Variants in RAB5A observed in about 807,000 individuals in gnomAD.
The protein encoded by RAB5A is ras-related protein Rab-5A.
A neutral mutation model predicts 25.7 loss-of-function variants in RAB5A; 8 were observed. The observed-to-expected ratio is 0.31, with a 90% CI of 0.18 to 0.56. RAB5A has a LOEUF of 0.56. RAB5A is among the 20% of genes least tolerant of loss of function. The pLI is 0.91. For synonymous variants in RAB5A, 98 were observed against 89.8 expected (o/e 1.09, Z -0.52); for missense variants, 192 against 259.7 (o/e 0.74, Z 1.79).
chr3:19,982,107 C>T (rs1696940466), intron 5 of RAB5A, among the ~76,000 whole-genome samples: 1 of 150,496 alleles, frequency 6.6e-6, no homozygotes, highest in Admixed American at 6.6e-5. Flanking sequence ...CATGGTGGTG[C>T]ACACCCTGTA....
At chr3:19,965,794 C>T (rs1575072015) in intron 2 of RAB5A, among the ~76,000 whole-genome samples, 1 of 152,090 alleles carries the variant, frequency 6.6e-6, no homozygotes, top group East Asian at 1.9e-4. Flanking sequence ...CAGGGTCTCA[C>T]TGCCACCCAG....
At chr3:19,971,934 A>G (rs1466863142) in intron 2 of RAB5A, among the ~76,000 whole-genome samples, 1 of 151,762 alleles carries the variant, frequency 6.6e-6, no homozygotes, top group Non-Finnish European at 1.5e-5. Context: ...GGTTCCATGT[A>G]TCTTTTTGAA....
At chr3:19,973,246 A>G (rs1461893100) in intron 2 of RAB5A, among the ~76,000 whole-genome samples, 3 of 152,194 alleles carry the variant, frequency 2.0e-5, no homozygotes, top group Non-Finnish European at 4.4e-5. Flanking sequence ...CTCCACAGAT[A>G]CTGAGGGATG....
At position 19,975,583 on chromosome 3, in the gene RAB5A, G is replaced by T; in HGVS notation, c.164-18G>T. On this transcript the variant is annotated intron_variant, in intron 2 of 5. Transcript: ENST00000273047. ...TTTGGAGAAAAATGATTGACTTATT[G>T]TAGTCCTTTTCTTTCAGCTGCTTTT... is the stretch of plus-strand genomic sequence containing the variant. 1 of 1,608,494 alleles carries T rather than the reference G, an allele frequency of 6.2e-7. No individual in the cohort carries two copies. The highest frequency in any genetic ancestry group is 1.1e-5 in the South Asian group (1 of 89,958).
intron 2 of RAB5A, among the ~76,000 whole-genome samples, chr3:19,951,701 G>GTTTTTTGTTTTTTTT (rs1282723121): frequency 1.0e-5 from 1 of 99,014 alleles, no homozygotes; most frequent in Non-Finnish European, 2.0e-5. Flanking sequence ...TGCCAGGCAA[G>GTTTTTTGTTTTTTTT]TTTTTTTTTT....
intron 2 of RAB5A, among the ~76,000 whole-genome samples, chr3:19,961,734 C>G (rs527708233): frequency 4.1e-4 from 63 of 152,332 alleles, no homozygotes; most frequent in Non-Finnish European, 5.9e-4. Context: ...CTAGCCCACT[C>G]AGTTCTTTTT....
chr3:19,956,915 T>C (rs1054802438), intron 2 of RAB5A, among the ~76,000 whole-genome samples: 19 of 151,728 alleles, frequency 1.3e-4, no homozygotes, highest in Non-Finnish European at 2.4e-4. Flanking sequence ...TTAGAAAATT[T>C]GAAGATTTGA....
At chr3:19,958,929 A>G (rs1559487125) in intron 2 of RAB5A, among the ~76,000 whole-genome samples, 1 of 152,094 alleles carries the variant, frequency 6.6e-6, no homozygotes, top group Non-Finnish European at 1.5e-5. Context: ...ACAGAGCGAG[A>G]CTCTGTCTCA....
At chr3:19,960,982 G>C (rs1368299426) in intron 2 of RAB5A, among the ~76,000 whole-genome samples, 17 of 152,100 alleles carry the variant, frequency 1.1e-4, no homozygotes, top group Non-Finnish European at 2.9e-5. Flanking sequence ...CTTTATCTTT[G>C]CATAAAACTA....
chr3:19,954,274 C>G (rs1240976391), intron 2 of RAB5A, among the ~76,000 whole-genome samples: 1 of 152,168 alleles, frequency 6.6e-6, no homozygotes, highest in Non-Finnish European at 1.5e-5. Context: ...CTCGGCCTCC[C>G]AAAGTGCTGG....
chr3:19,982,723 C>T (rs140695750), intron 5 of RAB5A, among the ~76,000 whole-genome samples: 49 of 150,288 alleles, frequency 3.3e-4, no homozygotes, highest in Admixed American at 6.6e-4. Flanking sequence ...GATCATACCA[C>T]TGCACTTAAT....
intron 2 of RAB5A, among the ~76,000 whole-genome samples, chr3:19,951,728 G>C (rs1284526994): frequency 1.6e-4 from 4 of 25,766 alleles, no homozygotes; most frequent in East Asian, 1.5e-3. Flanking sequence ...TTAAGAGTCA[G>C]AGTCTCGCTG....
intron 2 of RAB5A, among the ~76,000 whole-genome samples, chr3:19,972,935 C>A (rs1011138477): frequency 2.6e-5 from 4 of 152,090 alleles, no homozygotes; most frequent in Admixed American, 6.6e-5. Context: ...ATAAATGCAA[C>A]CAACTGCAAG....
At position 19,967,273 on chromosome 3, in the gene RAB5A, T is replaced by G. The variant is rs570359392; in HGVS notation, c.164-8328T>G. ...AATTCTTCTGCCTCAGCCTCCAGAG[T>G]AGCTGGGATTACAGGCAACCGCCAC... On this transcript the variant is annotated intron_variant, in intron 2 of 5. Transcript: ENST00000273047. Among the ~76,000 whole-genome samples, 48 of 152,148 alleles carry G rather than the reference T, an allele frequency of 3.2e-4. No individual in the cohort carries two copies. The South Asian group carries it at 9.9e-3, about 32-fold the overall frequency.
intron 2 of RAB5A, among the ~76,000 whole-genome samples, chr3:19,955,567 G>GT (rs1222225684): frequency 6.6e-6 from 1 of 152,068 alleles, no homozygotes; most frequent in Non-Finnish European, 1.5e-5. Flanking sequence ...TAATTGGGGG[G>GT]TTTTTTTGAG....
chr3:19,970,040 TC>T (rs1696722589), intron 2 of RAB5A, among the ~76,000 whole-genome samples: 1 of 55,880 alleles, frequency 1.8e-5, no homozygotes, highest in Non-Finnish European at 5.3e-5. Flanking sequence ...GACCTTGTGA[TC>T]CACCCACCTC....
intron 4 of RAB5A, among the ~76,000 whole-genome samples, chr3:19,977,726 C>G (rs924542596): frequency 6.6e-6 from 1 of 152,092 alleles, no homozygotes; most frequent in Non-Finnish European, 1.5e-5. Flanking sequence ...TGGGAAAGAT[C>G]ATTGGTTACC....
chr3:19,948,939 TATC>T (rs1033519314), intron 1 of RAB5A, among the ~76,000 whole-genome samples: 29 of 152,366 alleles, frequency 1.9e-4, no homozygotes, highest in African/African-American at 6.5e-4. Flanking sequence ...ATTGATATTT[TATC>T]ATTTTCTTAT....
intron 5 of RAB5A, among the ~76,000 whole-genome samples, chr3:19,981,758 T>C (rs994131690): frequency 1.3e-5 from 2 of 152,134 alleles, no homozygotes; most frequent in Non-Finnish European, 2.9e-5. Flanking sequence ...GAACAGCCAC[T>C]AGCTGTATAG....
Sources: allele counts gnomAD v4.1 joint callset (sites outside exome capture counted in the v4.1 genomes callset), GRCh38; gene constraint gnomAD v4.1.1; transcripts MANE v1.5; gene names NCBI Gene and HGNC (gene_info 2026-07-23, HGNC 2026-07-21).